TGM2: variants seen among roughly 807,000 people sequenced by gnomAD.
The protein encoded by TGM2 is transglutaminase 2.
In TGM2, 53 loss-of-function variants were observed where a neutral mutation model predicts 75.6. That is an observed-to-expected ratio of 0.70 (90% confidence interval 0.56 to 0.88). The LOEUF (loss-of-function observed/expected upper bound fraction) is 0.88. Among genes scored for constraint, TGM2 ranks in the 40% least tolerant of loss-of-function variants. The probability of loss-of-function intolerance (pLI) is 0.00; values close to 1 mark genes in which losing one functional copy is unlikely to be tolerated. For synonymous variants in TGM2, 374 were observed against 381.1 expected (o/e 0.98, Z 0.22); for missense variants, 842 against 928.5 (o/e 0.91, Z 1.21).
intron 3 of TGM2, among the ~76,000 whole-genome samples, chr20:38,154,364 GC>G (rs1156372230): frequency 1.3e-5 from 2 of 152,196 alleles, no homozygotes; most frequent in Non-Finnish European, 2.9e-5. Context: ...CCCAGGAGGG[GC>G]CTGGCCCATG....
chr20:38,141,986 T>A (rs925552812), intron 7 of TGM2, 78 bp downstream of exon 7: 4 of 1,581,332 alleles, frequency 2.5e-6, no homozygotes, highest in African/African-American at 1.3e-5. Context: ...TGTGACCTCC[T>A]CCAAGAAGCC....
chr20:38,150,829 G>A (rs2075106813), intron 4 of TGM2, 110 bp downstream of exon 4: 2 of 860,100 alleles, frequency 2.3e-6, no homozygotes, highest in Admixed American at 1.7e-5. Flanking sequence ...GCATGAAGTG[G>A]GTGACTCTGT....
rs45575334 is a variant in TGM2 at position 38,142,338 on chromosome 20, G to A, written c.860-139C>T. 1,749 of 1,367,708 alleles carry A rather than the reference G, an allele frequency of 1.3e-3. 14 individuals are homozygous for A. In the African/African-American group the frequency reaches 0.021, roughly 17 times the overall value. 84.7% of individuals were successfully genotyped at this position (1,367,708 alleles called of 1,614,324 possible). ...AGAACATGAGCCAGCCCTTCCTGCC[G>A]GGACAATGGCGCCCACCTCTCTGGT... On this transcript the variant is annotated intron_variant, in intron 6 of 12. Coordinates refer to ENST00000361475, the MANE Select transcript of TGM2 (RefSeq NM_004613.4).
intron 9 of TGM2, 29 bp downstream of exon 9, chr20:38,139,383 G>C (rs767001563): frequency 1.1e-5 from 18 of 1,613,778 alleles, no homozygotes; most frequent in African/African-American, 4.0e-5. Flanking sequence ...TATCTTCAAG[G>C]CTGCATTAAA....
intron 4 of TGM2, among the ~76,000 whole-genome samples, chr20:38,148,386 G>C (rs569713434): frequency 6.6e-6 from 1 of 152,116 alleles, no homozygotes; most frequent in Non-Finnish European, 1.5e-5. Context: ...TGGGCAGCCC[G>C]GTGTCCCTGG....
At chr20:38,143,642 C>T (rs1265948140) in intron 6 of TGM2, among the ~76,000 whole-genome samples, 2 of 152,208 alleles carry the variant, frequency 1.3e-5, no homozygotes, top group South Asian at 2.1e-4. Context: ...TCCTGGCAGA[C>T]GGAATTATGG....
chr20:38,139,081 G>A (rs917772572), intron 9 of TGM2, among the ~76,000 whole-genome samples: 22 of 152,194 alleles, frequency 1.4e-4, no homozygotes, highest in Non-Finnish European at 3.1e-4. Context: ...GCTATGCTTA[G>A]TATTTGCTTA....
Position 38,156,081 on chromosome 20 carries a change from G to T in TGM2, c.199C>A (p.Pro67Thr). The change falls in exon 3 of 13, where the codon CCT becomes ACT. Residue 67 changes from proline (P) to threonine (T), a missense_variant. Pro to Thr is a conservative substitution (Grantham distance 38, BLOSUM62 -1). Transcript: ENST00000361475. The stretch of plus-strand genomic sequence containing the variant: ...GCCTTGGTCCCGGCCTCCTGGCTAG[G>T]GGCTGGGCCTGTGGAGGGAGAAGCA... ...LTFSVVTGPA[P>T]SQEAGTKARF... The T allele has an allele frequency of 1.7e-5, 27 of 1,612,870 alleles. No homozygotes were observed. The highest frequency in any genetic ancestry group is 2.2e-5 in the East Asian group (1 of 44,882).
intron 11 of TGM2, among the ~76,000 whole-genome samples, chr20:38,132,119 A>G (rs566170414): frequency 6.6e-6 from 1 of 151,988 alleles, no homozygotes. Context: ...CCATGACCCT[A>G]ACACTCTGGG....
intron 4 of TGM2, 142 bp from the exon 5 acceptor site, chr20:38,148,231 C>G: frequency 1.8e-6 from 2 of 1,088,800 alleles, no homozygotes; most frequent in Non-Finnish European, 2.7e-6. Context: ...TACCAAATCT[C>G]TCTGGTGGCA....
chr20:38,137,936 C>A, intron 10 of TGM2, 177 bp downstream of exon 10: 1 of 1,390,020 alleles, frequency 7.2e-7, no homozygotes, highest in Non-Finnish European at 9.5e-7. Flanking sequence ...CCCCCTCACT[C>A]TTGCAATAAG....
intron 3 of TGM2, among the ~76,000 whole-genome samples, chr20:38,152,790 G>A (rs1004277079): frequency 5.9e-5 from 9 of 152,184 alleles, no homozygotes; most frequent in Admixed American, 2.0e-4. Context: ...CACAGTTCCC[G>A]CCCCGGGATG....
intron 6 of TGM2, among the ~76,000 whole-genome samples, chr20:38,143,827 G>GA (rs986708412): frequency 9.9e-4 from 150 of 152,238 alleles, no homozygotes; most frequent in African/African-American, 3.4e-3. Context: ...GGGAGTGGGG[G>GA]AGAAGGGATG....
intron 4 of TGM2, among the ~76,000 whole-genome samples, chr20:38,149,092 T>G (rs1305956055): frequency 5.9e-5 from 9 of 152,236 alleles, no homozygotes; most frequent in Non-Finnish European, 1.0e-4. Flanking sequence ...ACACAAGGTA[T>G]GCCCCAAGCT....
Position 38,165,250 on chromosome 20 carries a change from C to A in TGM2, c.-52G>T. The A allele has an allele frequency of 1.2e-6, 2 of 1,610,780 alleles. No individual in the cohort carries two copies. The highest frequency in any genetic ancestry group is 8.5e-7 in the Non-Finnish European group (1 of 1,179,642). ...CACTGGCGGCGAGACCCTCCAAGTG[C>A]GACCACTGGCGGCTGGCACTGCCGA... is the stretch of plus-strand genomic sequence containing the variant. On this transcript the variant is annotated 5_prime_UTR_variant, in exon 1 of 13. Coordinates refer to ENST00000361475, the MANE Select transcript of TGM2 (RefSeq NM_004613.4).
Position 38,130,128 on chromosome 20 carries a change from G to T in TGM2, c.*91C>A. The T allele has an allele frequency of 6.4e-7, 1 of 1,557,444 alleles. No homozygotes were observed. ...GCTGCCCACCCTGCCCTGGGGTCTG[G>T]GGCCCAAGAAGGGGCATATTTTGCT... On this transcript the variant is annotated 3_prime_UTR_variant, in exon 13 of 13. Transcript: ENST00000361475.
At chr20:38,163,119 G>T (rs768456645) in intron 1 of TGM2, among the ~76,000 whole-genome samples, 3 of 152,236 alleles carry the variant, frequency 2.0e-5, no homozygotes, top group African/African-American at 2.4e-5. Flanking sequence ...TACAGTTTCA[G>T]ATGGAGCAGA....
chr20:38,147,646 C>T (rs1324046846), intron 5 of TGM2, among the ~76,000 whole-genome samples: 1 of 152,074 alleles, frequency 6.6e-6, no homozygotes, highest in Non-Finnish European at 1.5e-5. Flanking sequence ...CCCCTCCCCT[C>T]CCCTCTATAA....
At position 38,161,421 on chromosome 20, in the gene TGM2, G is replaced by A. The variant is rs147241314; in HGVS notation, c.189C>T (p.Thr63=). The A allele has an allele frequency of 1.2e-4, 190 of 1,613,778 alleles. 2 individuals carry two copies. In the South Asian group the frequency reaches 1.3e-3, roughly 11 times the overall value. Residue 63 remains threonine (T), a splice_region_variant and synonymous_variant, in exon 2 of 13, where the codon ACC becomes ACT. Coordinates refer to ENST00000361475, the MANE Select transcript of TGM2 (RefSeq NM_004613.4). ...TGGAGTGGGGTTGCAGGTACTCACC[G>A]GTCACGACACTGAAGGTGAGACTGT... The part of the protein sequence containing the change: ...SVDSLTFSVV[T]GPAPSQEAGT...
Sources: allele counts gnomAD v4.1 joint callset (sites outside exome capture counted in the v4.1 genomes callset), GRCh38; gene constraint gnomAD v4.1.1; transcripts MANE v1.5; gene names NCBI Gene and HGNC (gene_info 2026-07-23, HGNC 2026-07-21).